PUM1: variants seen among roughly 807,000 people sequenced by gnomAD.
PUM1 encodes the protein pumilio homolog 1.
Under a neutral mutation model 131.8 loss-of-function variants are expected in PUM1, and 13 were observed. The ratio of observed to expected loss-of-function variants is 0.10; its 90% CI spans 0.06 to 0.16. PUM1 has a LOEUF of 0.16. Ranked by LOEUF, PUM1 falls within the 10% of genes least tolerant of loss-of-function variation. The pLI is 1.00. For synonymous variants in PUM1, 509 were observed against 556.5 expected (o/e 0.91, Z 1.20); for missense variants, 961 against 1,512.4 (o/e 0.64, Z 6.05).
chr1:31,062,549 G>C lies in PUM1; in HGVS notation c.-11-2972C>G, dbSNP rs910854583. ...GCAGAAGAATCGCTTGAACCCAGGAGGCGGAGGTTGCAGTGAGCCGAGATC... is the reference window on the plus strand; with the variant it reads ...GCAGAAGAATCGCTTGAACCCAGGACGCGGAGGTTGCAGTGAGCCGAGATC... On this transcript the variant is annotated intron_variant, in intron 1 of 21. Coordinates refer to ENST00000426105, the MANE Select transcript of PUM1 (RefSeq NM_001020658.2). 5.9e-5 allele frequency among the ~76,000 whole-genome samples: 9 copies of C among 151,566 alleles called. No individual in the cohort carries two copies. In the East Asian group the frequency reaches 7.8e-4, roughly 13 times the overall value.
intron 16 of PUM1, among the ~76,000 whole-genome samples, chr1:30,950,734 C>T (rs1168972175): frequency 6.6e-6 from 1 of 152,150 alleles, no homozygotes; most frequent in Non-Finnish European, 1.5e-5. Context: ...GTGGCACGCT[C>T]CTGTTAACTC....
In PUM1 at chr1:30,966,120, A is replaced by G; in HGVS notation, c.1948T>C (p.Ser650Pro). 1 of 1,614,032 alleles carries G rather than the reference A, an allele frequency of 6.2e-7. No individual in the cohort carries two copies. Among genetic ancestry groups the G allele is most frequent in the East Asian group, 2.2e-5 (1 of 44,876 alleles). ...LASSSFYGNN[S>P]LNSNSQSSSL... Reference sequence around the variant, plus strand: ...CTGCTCTGTGAATTGCTGTTCAGAGAGTTGTTGCCGTAGAAAGAACTGGAT... The same window carrying G: ...CTGCTCTGTGAATTGCTGTTCAGAGGGTTGTTGCCGTAGAAAGAACTGGAT... The change falls in exon 13 of 22, where the codon TCT (serine) becomes CCT (proline). Residue 650 changes from serine to proline, a missense_variant. This residue lies in a region of PUM1 where 654 missense variants were observed against 923.9 expected (regional missense o/e 0.71). Coordinates refer to ENST00000426105, the MANE Select transcript of PUM1 (RefSeq NM_001020658.2).
intron 2 of PUM1, among the ~76,000 whole-genome samples, chr1:31,057,405 C>CAAAAAAAAAAAAA (rs1223950994): frequency 1.5e-5 from 1 of 68,752 alleles, no homozygotes; most frequent in Non-Finnish European, 2.6e-5. Context: ...GACCTTGTCT[C>CAAAAAAAAAAAAA]AAAAAAAAAA....
In PUM1 at chr1:31,038,984, A is replaced by ATATTTT; in HGVS notation, c.364-10121_364-10120insAAAATA. Reference sequence around the variant, plus strand: ...TATATATATATATATATATATATATATTTTTTTTTTTTTTTTCCTTTTCTC... The same window carrying ATATTTT: ...TATATATATATATATATATATATATATATTTTTTTTTTTTTTTTTTTTCCTTTTCTC... On this transcript the variant is annotated intron_variant, in intron 2 of 21. Coordinates refer to ENST00000426105, the MANE Select transcript of PUM1 (RefSeq NM_001020658.2). Among the ~76,000 whole-genome samples the ATATTTT allele has an allele frequency of 3.0e-4, 15 of 49,418 alleles. 2 individuals carry two copies. Among genetic ancestry groups the ATATTTT allele is most frequent in the African/African-American group, 1.4e-3 (7 of 4,832 alleles). The allele number at this position is 49,418 out of a possible 152,430, so 32.4% of individuals were successfully genotyped here. A position where few individuals can be genotyped will look rare whatever the true frequency, so the allele number is the denominator to read the frequency against.
intron 2 of PUM1, among the ~76,000 whole-genome samples, chr1:31,037,836 G>C (rs1190304493): frequency 6.6e-6 from 1 of 151,992 alleles, no homozygotes; most frequent in African/African-American, 2.4e-5. Flanking sequence ...AGATCACGAG[G>C]TCAGGAGATC....
intron 3 of PUM1, among the ~76,000 whole-genome samples, chr1:31,007,916 G>A (rs1457977868): frequency 6.6e-6 from 1 of 152,200 alleles, no homozygotes; most frequent in African/African-American, 2.4e-5. Context: ...GGCTTACAAA[G>A]TAAAATTCCA....
rs748319256 is a variant in PUM1 at position 30,979,104 on chromosome 1, C to CA, written c.1354+957dup. 2.2e-3 allele frequency among the ~76,000 whole-genome samples: 181 copies of CA among 82,420 alleles called. 1 individual carries two copies. Among genetic ancestry groups the CA allele is most frequent in the Middle Eastern group, 8.9e-3 (1 of 112 alleles). The allele number at this position is 82,420 out of a possible 152,430, so 54.1% of individuals were successfully genotyped here. A position where few individuals can be genotyped will look rare whatever the true frequency, so the allele number is the denominator to read the frequency against. ...CGGCAACAGAGTGAGATCCTGTCTC[C>CA]AAAAAAAAAAAAGAGAGAGAGAGAA... On this transcript the variant is annotated intron_variant, in intron 9 of 21. Transcript: ENST00000426105.
chr1:30,977,012 G>C (rs1641161584), intron 9 of PUM1, among the ~76,000 whole-genome samples: 1 of 152,206 alleles, frequency 6.6e-6, no homozygotes, highest in South Asian at 2.1e-4. Context: ...CTTAACCAGA[G>C]TGCTTGAGAC....
At chr1:30,957,323 GTAAA>G (rs1465493383) in intron 14 of PUM1, among the ~76,000 whole-genome samples, 1 of 152,166 alleles carries the variant, frequency 6.6e-6, no homozygotes, top group African/African-American at 2.4e-5. Context: ...GTGACAAATA[GTAAA>G]TAAATATCTG....
chr1:30,933,391 G>A (rs566786301), intron 21 of PUM1, 49 bp from the exon 22 acceptor site: 81 of 1,582,338 alleles, frequency 5.1e-5, no homozygotes, highest in Admixed American at 1.0e-4. Context: ...TGAGACTTGG[G>A]GGCAGGCTTC....
chr1:30,977,826 G>A (rs1053365628), intron 9 of PUM1, among the ~76,000 whole-genome samples: 3 of 152,148 alleles, frequency 2.0e-5, no homozygotes, highest in African/African-American at 4.8e-5. Flanking sequence ...GTACAGAAAA[G>A]ACAATTCAAG....
chr1:31,062,782 G>A (rs1481878045), intron 1 of PUM1, among the ~76,000 whole-genome samples: 1 of 152,118 alleles, frequency 6.6e-6, no homozygotes, highest in Non-Finnish European at 1.5e-5. Flanking sequence ...AAAAACACAT[G>A]AATAACAAAT....
intron 10 of PUM1, among the ~76,000 whole-genome samples, chr1:30,972,796 T>G (rs775906543): frequency 6.9e-6 from 1 of 144,328 alleles, no homozygotes; most frequent in South Asian, 2.2e-4. Flanking sequence ...AAAAAGAAAT[T>G]TGGCCAGGCG....
At chr1:31,040,827 A>C (rs2124569416) in intron 2 of PUM1, among the ~76,000 whole-genome samples, 1 of 152,316 alleles carries the variant, frequency 6.6e-6, no homozygotes, top group Non-Finnish European at 1.5e-5. Context: ...TATGAGGAGG[A>C]GCTTAGAAGT....
intron 21 of PUM1, chr1:30,935,630 A>G: frequency 4.4e-6 from 2 of 452,340 alleles, no homozygotes; most frequent in South Asian, 3.1e-5. Context: ...TGCCACTGCC[A>G]ACACCAGTGC....
intron 2 of PUM1, among the ~76,000 whole-genome samples, chr1:31,047,890 C>T (rs952994715): frequency 2.1e-4 from 32 of 149,546 alleles, no homozygotes; most frequent in African/African-American, 5.4e-4. Context: ...TGCAGTGAGC[C>T]GAGATCGCAC....
At chr1:31,036,081 G>T (rs984275893) in intron 2 of PUM1, among the ~76,000 whole-genome samples, 44 of 142,254 alleles carry the variant, frequency 3.1e-4, no homozygotes, top group African/African-American at 9.2e-4. Context: ...ACTCAAGTTT[G>T]TTTTTTTTTT....
chr1:30,966,010 T>C lies in PUM1; in HGVS notation c.2058A>G (p.Gly686=). The change falls in exon 13 of 22, where the codon GGA becomes GGG. Residue 686 remains glycine, a synonymous_variant. Transcript: ENST00000426105. Reference sequence around the variant, plus strand: ...CTGTTCCAAACCCTCCAAGGGCGGATCCCAGGGTGGCGCCGAGAGAACTGC... The same window carrying C: ...CTGTTCCAAACCCTCCAAGGGCGGACCCCAGGGTGGCGCCGAGAGAACTGC... The part of the protein sequence containing the change: ...GSSSSLGATL[G]SALGGFGTAV... The C allele has an allele frequency of 6.2e-7, 1 of 1,614,020 alleles. No homozygotes were observed.
At chr1:30,988,900 G>A (rs1353974848) in intron 7 of PUM1, among the ~76,000 whole-genome samples, 1 of 152,096 alleles carries the variant, frequency 6.6e-6, no homozygotes, top group East Asian at 1.9e-4. Context: ...TTAGCACTTA[G>A]TTCCCCAAAT....
Sources: allele counts gnomAD v4.1 joint callset (sites outside exome capture counted in the v4.1 genomes callset), GRCh38; gene constraint gnomAD v4.1.1; regional missense constraint gnomAD v4.1.1; transcripts MANE v1.5; gene names NCBI Gene and HGNC (gene_info 2026-07-23, HGNC 2026-07-21).